The following SYNGR1 variants were observed in gnomAD, a reference collection of about 807,000 sequenced individuals.
The protein encoded by SYNGR1 is synaptogyrin-1.
In SYNGR1, 14 loss-of-function variants were observed where a neutral mutation model predicts 26.1. The observed-to-expected ratio is 0.54, with a 90% CI of 0.35 to 0.84. SYNGR1 has a LOEUF of 0.84. Among genes scored for constraint, SYNGR1 ranks in the 40% least tolerant of loss-of-function variants. SYNGR1 has a pLI of 0.01. For synonymous variants in SYNGR1, 141 were observed against 150.1 expected (o/e 0.94, Z 0.44); for missense variants, 319 against 332.9 (o/e 0.96, Z 0.33).
rs892112102 is a variant in SYNGR1, at chr22:39,385,222, G to C, written c.*3308G>C. 2.6e-6 allele frequency: 1 copy of C among 383,586 alleles called. No individual in the cohort carries two copies. Among genetic ancestry groups the C allele is most frequent in the African/African-American group, 2.1e-5 (1 of 48,330 alleles). 23.8% of individuals were successfully genotyped at this position (383,586 alleles called of 1,614,324 possible). A position where few individuals can be genotyped will look rare whatever the true frequency, so the allele number is the denominator to read the frequency against. ...GGGACTGGGCCGGCTGCCTCCCAGCGATGCACTTGACCTGACACTCCCCAT... is the reference window on the plus strand; with the variant it reads ...GGGACTGGGCCGGCTGCCTCCCAGCCATGCACTTGACCTGACACTCCCCAT... On this transcript the variant is annotated 3_prime_UTR_variant, in exon 4 of 4. Coordinates refer to ENST00000328933, the MANE Select transcript of SYNGR1 (RefSeq NM_004711.5).
intron 1 of SYNGR1, among the ~76,000 whole-genome samples, chr22:39,371,401 A>G (rs922109013): frequency 1.3e-4 from 20 of 150,878 alleles, no homozygotes; most frequent in South Asian, 8.4e-4. Context: ...GCTTGAACCC[A>G]GGAGGCAGAG....
intron 3 of SYNGR1, chr22:39,379,543 A>C (rs934070210): frequency 2.3e-4 from 35 of 151,904 alleles, no homozygotes; most frequent in African/African-American, 8.5e-4. Flanking sequence ...CTGAGGCAGG[A>C]GAATCACTTG....
chr22:39,370,661 C>T (rs547968523), intron 1 of SYNGR1, among the ~76,000 whole-genome samples: 3 of 149,408 alleles, frequency 2.0e-5, no homozygotes, highest in Non-Finnish European at 4.4e-5. Flanking sequence ...CCCGCTCTGT[C>T]GGCTGGAGTG....
chr22:39,376,191 C>T lies in SYNGR1; in HGVS notation c.477C>T (p.Phe159=), dbSNP rs930892054. Reference sequence around the variant, plus strand: ...TCGCCTTCTCCTTTTTCTCCATCTTCACCTGGGTGAGTACAGCCACCGCGC... The same window carrying T: ...TCGCCTTCTCCTTTTTCTCCATCTTTACCTGGGTGAGTACAGCCACCGCGC... ...AAIAFSFFSI[F]TWAGQAVLAF... The change falls in exon 3 of 4, where the codon TTC becomes TTT. Residue 159 remains phenylalanine, a synonymous_variant. Transcript: ENST00000328933. 6.2e-7 allele frequency: 1 copy of T among 1,613,996 alleles called. No homozygotes were observed. The highest frequency in any genetic ancestry group is 1.3e-5 in the African/African-American group (1 of 74,932).
At chr22:39,360,678 C>T (rs1924430265) in intron 1 of SYNGR1, among the ~76,000 whole-genome samples, 1 of 152,108 alleles carries the variant, frequency 6.6e-6, no homozygotes, top group African/African-American at 2.4e-5. Flanking sequence ...GTAGGGAGGG[C>T]TGACAGTCTA....
chr22:39,358,893 G>A (rs1174648639), intron 1 of SYNGR1, among the ~76,000 whole-genome samples: 1 of 152,234 alleles, frequency 6.6e-6, no homozygotes, highest in Non-Finnish European at 1.5e-5. Context: ...TCATCTCCCC[G>A]CTGCTGGTGG....
chr22:39,376,581 G>A (rs1925296522), intron 3 of SYNGR1, among the ~76,000 whole-genome samples: 1 of 152,212 alleles, frequency 6.6e-6, no homozygotes, highest in Non-Finnish European at 1.5e-5. Flanking sequence ...AAGCAGCCCT[G>A]CCTAGGAGTC....
At chr22:39,374,192 C>A in intron 1 of SYNGR1, 124 bp from the exon 2 acceptor site, 2 of 855,100 alleles carry the variant, frequency 2.3e-6, no homozygotes, top group Non-Finnish European at 3.8e-6. Flanking sequence ...GAAATGCCTG[C>A]TTAACCCGGG....
At position 39,382,018 on chromosome 22, in the gene SYNGR1, T is replaced by C; in HGVS notation, c.*104T>C. The C allele has an allele frequency of 7.6e-7, 1 of 1,317,836 alleles. No individual in the cohort carries two copies. The highest frequency in any genetic ancestry group is 2.5e-5 in the East Asian group (1 of 39,872). 81.6% of individuals were successfully genotyped at this position (1,317,836 alleles called of 1,614,324 possible). A position where few individuals can be genotyped will look rare whatever the true frequency, so the allele number is the denominator to read the frequency against. ...CCCTGCCCAGCGCCTCATCAGCCTC[T>C]GCCTTGTCCCACTGAGGTCCAGGGT... On this transcript the variant is annotated 3_prime_UTR_variant, in exon 4 of 4. Coordinates refer to ENST00000328933, the MANE Select transcript of SYNGR1 (RefSeq NM_004711.5).
intron 1 of SYNGR1, among the ~76,000 whole-genome samples, chr22:39,370,197 C>T (rs1924956214): frequency 6.6e-6 from 1 of 151,770 alleles, no homozygotes; most frequent in Non-Finnish European, 1.5e-5. Context: ...AGTGGCGAAT[C>T]TCGGCTCACT....
At chr22:39,372,084 G>C (rs956104774) in intron 1 of SYNGR1, among the ~76,000 whole-genome samples, 1 of 149,138 alleles carries the variant, frequency 6.7e-6, no homozygotes, top group Non-Finnish European at 1.5e-5. Context: ...AGGTAGGGCT[G>C]TGGTTTCATC....
rs779373100 is a variant in SYNGR1, at chr22:39,381,740, C to T, written c.528C>T (p.Ala176=). Residue 176 remains alanine, a synonymous_variant, in exon 4 of 4, where the codon GCC becomes GCT. Coordinates refer to ENST00000328933, the MANE Select transcript of SYNGR1 (RefSeq NM_004711.5). ...VLAFQRYQIG[A]DSALFSQDYM... is the part of the protein sequence containing the mutation. ...CCTTCCAGCGGTACCAGATTGGCGC[C>T]GACTCGGCCCTCTTCTCCCAGGACT... 26 of 1,613,312 alleles carry T rather than the reference C, an allele frequency of 1.6e-5. No individual in the cohort carries two copies. The highest frequency in any genetic ancestry group is 2.1e-5 in the Non-Finnish European group (25 of 1,180,010).
chr22:39,376,240 C>T (rs1328384876), intron 3 of SYNGR1, 43 bp downstream of exon 3: 21 of 1,613,392 alleles, frequency 1.3e-5, no homozygotes, highest in Non-Finnish European at 1.7e-5. Context: ...CGTCCCCTTT[C>T]CCCACTGAGC....
At chr22:39,354,389 C>T (rs761329105) in intron 1 of SYNGR1, among the ~76,000 whole-genome samples, 5 of 152,172 alleles carry the variant, frequency 3.3e-5, no homozygotes, top group African/African-American at 1.2e-4. Flanking sequence ...GGTTTGAACC[C>T]GGACTGCTGG....
chr22:39,380,896 C>T (rs1925478005), intron 3 of SYNGR1, among the ~76,000 whole-genome samples: 1 of 152,116 alleles, frequency 6.6e-6, no homozygotes, highest in South Asian at 2.1e-4. Context: ...GCTGGGATTG[C>T]AAGCATGAGT....
intron 2 of SYNGR1, chr22:39,375,598 C>A (rs1925241657): frequency 2.5e-6 from 1 of 406,230 alleles, no homozygotes; most frequent in Non-Finnish European, 4.4e-6. Flanking sequence ...TCCCATACCT[C>A]ATTTGTCTGG....
At chr22:39,380,175 A>AC (rs1045959668) in intron 3 of SYNGR1, among the ~76,000 whole-genome samples, 4 of 151,592 alleles carry the variant, frequency 2.6e-5, no homozygotes, top group Admixed American at 1.3e-4. Flanking sequence ...AAAAAAAAAA[A>AC]AAAACGGGGC....
At chr22:39,378,508 G>A (rs1162047912) in intron 3 of SYNGR1, 14 of 980,900 alleles carry the variant, frequency 1.4e-5, no homozygotes, top group African/African-American at 3.5e-5. Flanking sequence ...TTCTACACAG[G>A]TTTCCTGCTT....
intron 1 of SYNGR1, among the ~76,000 whole-genome samples, chr22:39,359,515 C>T (rs1924360615): frequency 6.6e-6 from 1 of 151,276 alleles, no homozygotes; most frequent in East Asian, 1.9e-4. Context: ...CCTGTAGTCC[C>T]AGCTACCCGG....
Sources: gnomAD v4.1 joint callset for allele counts (sites outside exome capture counted in the v4.1 genomes callset) on GRCh38, gnomAD v4.1.1 for gene constraint, MANE v1.5 for transcripts, NCBI Gene and HGNC (gene_info 2026-07-23, HGNC 2026-07-21) for gene names.